The following ECE1 variants were observed in gnomAD, a reference collection of about 807,000 sequenced individuals.
ECE1 encodes endothelin converting enzyme 1.
Under a neutral mutation model 98.6 loss-of-function variants are expected in ECE1, and 35 were observed. The observed-to-expected ratio is 0.35, with a 90% CI of 0.27 to 0.47. The LOEUF is 0.47. Ranked by LOEUF, ECE1 falls within the 20% of genes least tolerant of loss-of-function variation. ECE1 has a pLI of 1.00. For missense variants in ECE1, 814 were observed against 1,025.3 expected (o/e 0.79, Z 2.81); for synonymous variants, 394 against 407.1 (o/e 0.97, Z 0.39).
rs983740801 is a variant in ECE1, at chr1:21,227,091, C to T, written c.1849+68G>A. On this transcript the variant is annotated intron_variant, in intron 16 of 18. Coordinates refer to ENST00000374893, the MANE Select transcript of ECE1 (RefSeq NM_001397.3). ...CAGGCTGGTCTCAAACTCCTGCCCT[C>T]AAGCAATCCTCCTCTTAAAGCACGG... 1.1e-5 allele frequency: 17 copies of T among 1,545,270 alleles called. No homozygotes were observed. The African/African-American group carries it at 2.3e-4, about 21-fold the overall frequency.
At chr1:21,330,133 CTTTTTTTTTTTT>C (rs397860522) in intron 1 of ECE1, among the ~76,000 whole-genome samples, 2 of 86,490 alleles carry the variant, frequency 2.3e-5, no homozygotes, top group African/African-American at 5.9e-5. Flanking sequence ...TCACTAAATA[CTTTTTTTTTTTT>C]TTTTTTTTTT....
intron 12 of ECE1, 147 bp from the exon 13 acceptor site, chr1:21,236,074 G>T (rs1296715281): frequency 1.3e-6 from 1 of 792,130 alleles, no homozygotes; most frequent in African/African-American, 1.7e-5. Context: ...TTTCTGGAAA[G>T]GTTTCCCCCT....
chr1:21,323,235 T>C (rs1429218633), intron 1 of ECE1, among the ~76,000 whole-genome samples: 1 of 152,108 alleles, frequency 6.6e-6, no homozygotes, highest in Non-Finnish European at 1.5e-5. Context: ...AAGCTGACCT[T>C]GAGGGCGTAG....
rs1311625874 is a variant in ECE1 at position 21,342,498 on chromosome 1, T to C, written c.3+2878A>G. On this transcript the variant is annotated intron_variant, in intron 1 of 18. Transcript: ENST00000415912. ...CATCCGAGGCCCTTAAGAACAGCAC[T>C]GACTCCCTGCCAAGGGGTTAGAGAC... Among the ~76,000 whole-genome samples, 7 of 152,016 alleles carry C rather than the reference T, an allele frequency of 4.6e-5. No homozygotes were observed. The East Asian group carries it at 9.7e-4, about 21-fold the overall frequency.
In ECE1 at chr1:21,220,028, T is replaced by G; in HGVS notation, c.2240A>C (p.Lys747Thr). Residue 747 changes from lysine (K) to threonine (T), a missense_variant, in exon 19 of 19, where the codon AAG (lysine) becomes ACG (threonine). By Grantham distance (78) the Lys-to-Thr change is moderately conservative. Coordinates refer to ENST00000374893, the MANE Select transcript of ECE1 (RefSeq NM_001397.3). This position sits in a 1 kb window ranked among gnomAD's most constrained non-coding sequence, Gnocchi z 5.0. ...GCAGCGGAAGTGTTCTGAGAACTCCTTGGAATTGGAGAGGGAGCCGATGAC... is the reference window on the plus strand; with the variant it reads ...GCAGCGGAAGTGTTCTGAGAACTCCGTGGAATTGGAGAGGGAGCCGATGAC... ...FRVIGSLSNS[K>T]EFSEHFRCPP... 1 of 1,614,156 alleles carries G rather than the reference T, an allele frequency of 6.2e-7. No homozygotes were observed. Among genetic ancestry groups the G allele is most frequent in the Non-Finnish European group, 8.5e-7 (1 of 1,180,028 alleles).
intron 4 of ECE1, among the ~76,000 whole-genome samples, chr1:21,269,947 C>T (rs184247757): frequency 4.5e-4 from 69 of 152,272 alleles, no homozygotes; most frequent in Non-Finnish European, 6.2e-4. Flanking sequence ...GATGCAGCTC[C>T]CCACCCACGG....
At chr1:21,261,870 C>G (rs890414646) in intron 4 of ECE1, among the ~76,000 whole-genome samples, 1 of 152,128 alleles carries the variant, frequency 6.6e-6, no homozygotes, top group Admixed American at 6.5e-5. Context: ...CACTGGGTTG[C>G]GCGGAGCAGG....
At chr1:21,228,137 C>A (rs1023037323) in intron 14 of ECE1, 96 bp from the exon 15 acceptor site, 28 of 934,764 alleles carry the variant, frequency 3.0e-5, no homozygotes, top group Non-Finnish European at 4.3e-5. Flanking sequence ...GGAATAAGGG[C>A]ATTAAAAATG....
chr1:21,285,757 C>T (rs980644982), intron 2 of ECE1, among the ~76,000 whole-genome samples: 2 of 150,900 alleles, frequency 1.3e-5, no homozygotes, highest in South Asian at 4.2e-4. Flanking sequence ...TTTGGAAGGC[C>T]GAGGCAGGTG....
intron 1 of ECE1, among the ~76,000 whole-genome samples, chr1:21,309,110 C>T (rs1392707241): frequency 2.0e-5 from 3 of 152,242 alleles, no homozygotes; most frequent in Non-Finnish European, 2.9e-5. Context: ...TCCCTCTCTC[C>T]TTTCCCCTCA....
chr1:21,224,958 G>A (rs1375630053), intron 17 of ECE1, among the ~76,000 whole-genome samples: 2 of 152,158 alleles, frequency 1.3e-5, no homozygotes, highest in African/African-American at 4.8e-5. Flanking sequence ...AGCTTCCCCT[G>A]CAGAGATGAG....
At chr1:21,275,283 A>C (rs2098245222) in intron 3 of ECE1, among the ~76,000 whole-genome samples, 1 of 152,140 alleles carries the variant, frequency 6.6e-6, no homozygotes, top group South Asian at 2.1e-4. Context: ...AAAACAAAAC[A>C]AGAAACTAGT....
At chr1:21,224,201 AC>A (rs1172317317) in intron 17 of ECE1, among the ~76,000 whole-genome samples, 1 of 151,940 alleles carries the variant, frequency 6.6e-6, no homozygotes, top group Non-Finnish European at 1.5e-5. Flanking sequence ...AAATGTCATA[AC>A]CCCAGAGAAG....
Position 21,260,284 on chromosome 1 carries a change from T to G in ECE1, c.602A>C (p.Glu201Ala), listed in dbSNP as rs751269183. The G allele has an allele frequency of 6.2e-7, 1 of 1,614,206 alleles. No homozygotes were observed. Among genetic ancestry groups the G allele is most frequent in the South Asian group, 1.1e-5 (1 of 91,086 alleles). The part of the protein sequence containing the change: ...IEELRAKPLM[E>A]LIERLGGWNI... Reference sequence around the variant, plus strand: ...CGAGGCACTCACCCTCTCAATCAACTCCATTAGAGGTTTGGCCCTGAGCTC... The same window carrying G: ...CGAGGCACTCACCCTCTCAATCAACGCCATTAGAGGTTTGGCCCTGAGCTC... The change falls in exon 5 of 19, where the codon GAG becomes GCG. Residue 201 changes from glutamate to alanine, a missense_variant. By Grantham distance (107) the Glu-to-Ala change is moderately radical. Around this residue, in one of 3 missense-constraint regions of ECE1, gnomAD observed 257 missense variants for 278.9 expected, o/e 0.92. Transcript: ENST00000374893. This position sits in a 1 kb window ranked among gnomAD's most constrained non-coding sequence, Gnocchi z 4.3.
intron 2 of ECE1, among the ~76,000 whole-genome samples, chr1:21,283,977 CAGG>C (rs1400843275): frequency 2.0e-5 from 3 of 152,202 alleles, no homozygotes; most frequent in East Asian, 1.9e-4. Flanking sequence ...CACCCTGGGG[CAGG>C]AGAAGTCACC....
At position 21,326,606 on chromosome 1, in the gene ECE1, G is replaced by A. The variant is rs375126049; in HGVS notation, c.3+18770C>T. 2.8e-4 allele frequency among the ~76,000 whole-genome samples: 43 copies of A among 152,134 alleles called. No individual in the cohort carries two copies. In the East Asian group the frequency reaches 5.6e-3, roughly 20 times the overall value. On this transcript the variant is annotated intron_variant, in intron 1 of 18. Coordinates refer to the ECE1 transcript ENST00000415912. ...CGAGGAGATGAGGTTCATAATAGGG[G>A]GGTTATATTTCTGGTTTCAGGAGGG...
rs1211783619 is a variant in ECE1, at chr1:21,307,929, T to C, written c.4-17773A>G. On this transcript the variant is annotated intron_variant, in intron 1 of 18. Coordinates refer to the ECE1 transcript ENST00000415912. The surrounding 1 kb of genome is among the most constrained non-coding windows in gnomAD (Gnocchi z 4.2). The stretch of plus-strand genomic sequence containing the variant: ...GGCAGGACAGAAGAGAGGAGGTGCC[T>C]GGCTCAGTTTTGCTGCGATCCCAAT... Among the ~76,000 whole-genome samples, 2 of 152,172 alleles carry C rather than the reference T, an allele frequency of 1.3e-5. No homozygotes were observed. Among genetic ancestry groups the C allele is most frequent in the African/African-American group, 4.8e-5 (2 of 41,458 alleles).
At chr1:21,295,544 A>T (rs1638333053) in intron 1 of ECE1, among the ~76,000 whole-genome samples, 1 of 152,250 alleles carries the variant, frequency 6.6e-6, no homozygotes, top group African/African-American at 2.4e-5. Flanking sequence ...AGTTCCTGAA[A>T]GTGTAAACTG....
rs375109003 is a variant in ECE1, at chr1:21,319,353, AATAATC to A, written c.3+26017_3+26022del. ...GAGCGAGACTCCGTCTCAAAATAAT[AATAATC>A]ATAATCATAATCATAATCATAATCA... On this transcript the variant is annotated intron_variant, in intron 1 of 18. Coordinates refer to the ECE1 transcript ENST00000415912. The surrounding 1 kb of genome is among the most constrained non-coding windows in gnomAD (Gnocchi z 4.4). Among the ~76,000 whole-genome samples, 6,160 of 150,042 alleles carry A rather than the reference AATAATC, an allele frequency of 0.041. 129 individuals are homozygous for A. The highest frequency in any genetic ancestry group is 0.077 in the South Asian group (369 of 4,774).
Sources: gnomAD v4.1 joint callset for allele counts (sites outside exome capture counted in the v4.1 genomes callset) on GRCh38, gnomAD v4.1.1 for gene constraint, gnomAD v4.1.1 regional missense constraint, Gnocchi (gnomAD v3.1) non-coding constraint, MANE v1.5 for transcripts, NCBI Gene and HGNC (gene_info 2026-07-23, HGNC 2026-07-21) for gene names.